TENM3: variants seen among roughly 807,000 people sequenced by gnomAD.
TENM3 encodes the protein teneurin transmembrane protein 3.
Under a neutral mutation model 255.1 loss-of-function variants are expected in TENM3, and 63 were observed. The observed-to-expected ratio is 0.25, with a 90% CI of 0.20 to 0.30. TENM3 has a LOEUF of 0.30. Ranked by LOEUF, TENM3 falls within the 10% of genes least tolerant of loss-of-function variation. TENM3 has a pLI of 1.00. For synonymous variants in TENM3, 1,306 were observed against 1,322.3 expected (o/e 0.99, Z 0.27); for missense variants, 2,929 against 3,461.1 (o/e 0.85, Z 3.86).
chr4:182,201,543 A>G (rs17307448), intron 1 of TENM3, among the ~76,000 whole-genome samples: 7,994 of 152,088 alleles, frequency 0.053, 279 homozygotes, highest in Non-Finnish European at 0.076. Context: ...TGCTCATTCA[A>G]AATCAGACCT....
the TENM3 span, among the ~76,000 whole-genome samples, chr4:181,544,063 T>G: frequency 6.6e-6 from 1 of 152,130 alleles, no homozygotes; most frequent in Admixed American, 6.5e-5. Flanking sequence ...ATGATTTAAT[T>G]TTTAAAAATA....
the TENM3 span, chr4:181,876,897 T>G: frequency 2.6e-5 from 4 of 152,122 alleles, no homozygotes; most frequent in Non-Finnish European, 5.9e-5. Flanking sequence ...CTTTAGGAAA[T>G]AATTGGAACT....
the TENM3 span, among the ~76,000 whole-genome samples, chr4:181,995,104 C>T: frequency 1.3e-5 from 2 of 152,170 alleles, no homozygotes; most frequent in East Asian, 3.9e-4. Flanking sequence ...GCCTAGCCAA[C>T]ACGGTGAAAC....
chr4:181,598,217 C>A, the TENM3 span, among the ~76,000 whole-genome samples: 1 of 152,178 alleles, frequency 6.6e-6, no homozygotes, highest in African/African-American at 2.4e-5. Context: ...TCTCCGTTTA[C>A]AACACAAAAT....
chr4:182,427,910 T>C (rs1771347467), intron 3 of TENM3, among the ~76,000 whole-genome samples: 2 of 151,956 alleles, frequency 1.3e-5, no homozygotes, highest in South Asian at 4.1e-4. Flanking sequence ...GAAGTGACTT[T>C]TTATCCCACC....
In TENM3 at chr4:182,627,054, G is replaced by A. The variant is rs138078369; in HGVS notation, c.750-1597G>A. Reference sequence around the variant, plus strand: ...TAGGCCAACTTTCATGACTTTTACCGTATCTGTAGACCAGCTTCACTATTT... The same window carrying A: ...TAGGCCAACTTTCATGACTTTTACCATATCTGTAGACCAGCTTCACTATTT... On this transcript the variant is annotated intron_variant, in intron 4 of 27. Coordinates refer to ENST00000511685, the MANE Select transcript of TENM3 (RefSeq NM_001080477.4). Among the ~76,000 whole-genome samples the A allele has an allele frequency of 2.7e-3, 404 of 152,184 alleles. 2 individuals carry two copies. The highest frequency in any genetic ancestry group is 9.2e-3 in the African/African-American group (383 of 41,540).
the TENM3 span, among the ~76,000 whole-genome samples, chr4:181,987,384 C>A: frequency 1.8e-4 from 27 of 152,248 alleles, 1 homozygote; most frequent in Admixed American, 1.6e-3. Context: ...TTCCCCTCTT[C>A]ATCCTGCACT....
chr4:181,494,571 C>T, the TENM3 span, among the ~76,000 whole-genome samples: 1 of 150,696 alleles, frequency 6.6e-6, no homozygotes, highest in Non-Finnish European at 1.5e-5. Flanking sequence ...CAGGCATGAG[C>T]CACCGCACCC....
chr4:182,299,874 T>C (rs1453713288), intron 1 of TENM3, among the ~76,000 whole-genome samples: 2 of 151,624 alleles, frequency 1.3e-5, no homozygotes, highest in Non-Finnish European at 2.9e-5. Flanking sequence ...CCCATTTTGA[T>C]ATGAACAGAA....
the TENM3 span, among the ~76,000 whole-genome samples, chr4:182,007,942 T>C: frequency 6.6e-6 from 1 of 152,320 alleles, no homozygotes; most frequent in African/African-American, 2.4e-5. Flanking sequence ...CCCCCAGCAT[T>C]TGCCTGTCTG....
At chr4:181,752,043 TGCTGCTTTTAAACTCGTTA>T in the TENM3 span, among the ~76,000 whole-genome samples, 1 of 152,214 alleles carries the variant, frequency 6.6e-6, no homozygotes, top group Non-Finnish European at 1.5e-5. Context: ...TTAGCAGATT[TGCTGCTTTTAAACTCGTTA>T]GCTTAAAAGC....
intron 3 of TENM3, among the ~76,000 whole-genome samples, chr4:182,517,319 A>G (rs1344954671): frequency 6.6e-6 from 1 of 151,840 alleles, no homozygotes; most frequent in African/African-American, 2.4e-5. Flanking sequence ...AGAATTCAGC[A>G]GGCTCTTCGG....
At chr4:182,504,763 T>C (rs17073479) in intron 3 of TENM3, among the ~76,000 whole-genome samples, 11,515 of 152,290 alleles carry the variant, frequency 0.076, 499 homozygotes, top group East Asian at 0.11. Context: ...CCACTTCTTA[T>C]AGCAATATGC....
chr4:181,449,523 C>A, the TENM3 span, among the ~76,000 whole-genome samples: 3 of 152,166 alleles, frequency 2.0e-5, no homozygotes, highest in African/African-American at 7.2e-5. Context: ...GTGGCTCACG[C>A]CTGTAATCCC....
chr4:181,521,970 G>C, the TENM3 span, among the ~76,000 whole-genome samples: 1 of 151,774 alleles, frequency 6.6e-6, no homozygotes, highest in South Asian at 2.1e-4. Context: ...GCACGGTGGC[G>C]GGCGCCTGTA....
chr4:181,721,762 G>A, the TENM3 span, among the ~76,000 whole-genome samples: 1 of 151,868 alleles, frequency 6.6e-6, no homozygotes, highest in Non-Finnish European at 1.5e-5. Flanking sequence ...AGACCTGGTG[G>A]CCTAGTGTGG....
chr4:182,056,550 A>T, the TENM3 span, among the ~76,000 whole-genome samples: 1 of 152,166 alleles, frequency 6.6e-6, no homozygotes, highest in Non-Finnish European at 1.5e-5. Flanking sequence ...ACACAGGATA[A>T]ACCACCTTTA....
In TENM3 at chr4:182,368,184, G is replaced by A. The variant is rs180859501; in HGVS notation, c.511+21255G>A. Among the ~76,000 whole-genome samples, 346 of 152,292 alleles carry A rather than the reference G, an allele frequency of 2.3e-3. 4 individuals carry two copies. The highest frequency in any genetic ancestry group is 8.1e-3 in the African/African-American group (337 of 41,556). ...CTTTGTATTTATCTTCACCACAGCC[G>A]TAATGAGGGTTTTGCAGCTGATATA... On this transcript the variant is annotated intron_variant, in intron 3 of 27. Coordinates refer to ENST00000511685, the MANE Select transcript of TENM3 (RefSeq NM_001080477.4).
At chr4:182,281,677 A>G (rs1477760546) in intron 1 of TENM3, among the ~76,000 whole-genome samples, 2 of 152,174 alleles carry the variant, frequency 1.3e-5, no homozygotes, top group African/African-American at 2.4e-5. Flanking sequence ...CTACTTAATT[A>G]TAACTCAGAT....
Sources: gnomAD v4.1 joint callset for allele counts (sites outside exome capture counted in the v4.1 genomes callset) on GRCh38, gnomAD v4.1.1 for gene constraint, MANE v1.5 for transcripts, NCBI Gene and HGNC (gene_info 2026-07-23, HGNC 2026-07-21) for gene names.